Variants in ARHGEF4 observed in about 807,000 individuals in gnomAD.
ARHGEF4 encodes the protein Rho guanine nucleotide exchange factor 4.
ARHGEF4 carries 119 observed loss-of-function variants against 162.0 expected under a neutral mutation model. The observed-to-expected ratio is 0.73, with a 90% CI of 0.63 to 0.86. The LOEUF is 0.86. Among genes scored for constraint, ARHGEF4 ranks in the 40% least tolerant of loss-of-function variants. The pLI is 0.00. For synonymous variants in ARHGEF4, 1,014 were observed against 979.9 expected, an observed-to-expected ratio of 1.03 and a Z score of -0.65; for missense variants, 2,488 against 2,456.0, an observed-to-expected ratio of 1.01 and a Z score of -0.28.
At chr2:130,960,422 G>A (rs952002996) in intron 4 of ARHGEF4, among the ~76,000 whole-genome samples, 6 of 152,126 alleles carry the variant, frequency 3.9e-5, no homozygotes, top group African/African-American at 1.4e-4. Context: ...TGCTGTACAG[G>A]TTTGCAGCCT....
Position 131,044,620 on chromosome 2 carries a change from G to A in ARHGEF4, c.5401+78G>A, listed in dbSNP as rs971562435. 3.3e-6 allele frequency: 5 copies of A among 1,500,172 alleles called. No individual in the cohort carries two copies. In the Admixed American group the frequency reaches 1.1e-4, roughly 32 times the overall value. 92.9% of individuals were successfully genotyped at this position (1,500,172 alleles called of 1,614,324 possible). On this transcript the variant is annotated intron_variant, in intron 12 of 13. Coordinates refer to ENST00000409359, the MANE Select transcript of ARHGEF4 (RefSeq NM_001367493.1). ...CGCCTGCCTGGCCGCCTGCCGGTCA[G>A]GAGAGCGCCGCTCAGCCCTCTCAGG...
intron 4 of ARHGEF4, among the ~76,000 whole-genome samples, chr2:130,961,338 A>AG (rs1684611532): frequency 3.3e-5 from 5 of 152,192 alleles, no homozygotes; most frequent in Admixed American, 2.6e-4. Context: ...AGCCTCACTG[A>AG]GGGGGGACAT....
intron 1 of ARHGEF4, among the ~76,000 whole-genome samples, chr2:130,840,369 G>A (rs1397535519): frequency 6.6e-6 from 1 of 152,164 alleles, no homozygotes; most frequent in Non-Finnish European, 1.5e-5. Flanking sequence ...TCTGTCCACC[G>A]CATTTTCAGG....
intron 3 of ARHGEF4, among the ~76,000 whole-genome samples, chr2:130,940,849 G>GA (rs70994723): frequency 4.2e-4 from 55 of 131,898 alleles, no homozygotes; most frequent in African/African-American, 1.4e-3. Context: ...AAAAAAAAAA[G>GA]AAAAAAAAAA....
chr2:130,939,908 C>G (rs142867894), intron 3 of ARHGEF4, among the ~76,000 whole-genome samples: 9 of 151,996 alleles, frequency 5.9e-5, no homozygotes, highest in Non-Finnish European at 1.5e-5. Context: ...TATGGAAATG[C>G]GATTGATTTT....
In ARHGEF4 at chr2:130,949,718, C is replaced by T. The variant is rs539436945; in HGVS notation, c.3985+3083C>T. On this transcript the variant is annotated intron_variant, in intron 4 of 13. Transcript: ENST00000409359. ...TGCAGTGCAGTGGTGCGATCGATCT[C>T]GGCTCACTGCAGCCTCCACTTCCTG... Among the ~76,000 whole-genome samples, 21 of 152,266 alleles carry T rather than the reference C, an allele frequency of 1.4e-4. No homozygotes were observed. The South Asian group carries it at 2.7e-3, about 20-fold the overall frequency.
At chr2:130,992,571 C>A (rs184774382) in intron 4 of ARHGEF4, among the ~76,000 whole-genome samples, 1 of 151,998 alleles carries the variant, frequency 6.6e-6, no homozygotes, top group South Asian at 2.1e-4. Flanking sequence ...GAAGAAACTC[C>A]GAACCTATCC....
intron 1 of ARHGEF4, among the ~76,000 whole-genome samples, chr2:130,911,924 G>C (rs1681214170): frequency 6.6e-6 from 1 of 152,216 alleles, no homozygotes; most frequent in East Asian, 1.9e-4. Context: ...CTCTGTGTCT[G>C]CTCATGTAAG....
At chr2:130,840,101 A>C (rs1446345323) in intron 1 of ARHGEF4, among the ~76,000 whole-genome samples, 6 of 152,132 alleles carry the variant, frequency 3.9e-5, no homozygotes, top group Admixed American at 3.9e-4. Context: ...AGCAGGAAGC[A>C]CACACATAGG....
intron 4 of ARHGEF4, chr2:131,011,878 C>T (rs1289440481): frequency 1.3e-5 from 9 of 704,198 alleles, no homozygotes; most frequent in East Asian, 2.7e-5. Context: ...GTGGGGGCGG[C>T]GGAGGGGCAG....
At chr2:131,011,938 G>T (rs1269406973) in intron 4 of ARHGEF4, 3 of 701,394 alleles carry the variant, frequency 4.3e-6, no homozygotes, top group South Asian at 1.5e-5. Flanking sequence ...AAAATGGTTG[G>T]ATTCTGGATA....
chr2:130,867,242 ATT>A (rs925137515), intron 1 of ARHGEF4, among the ~76,000 whole-genome samples: 29 of 142,460 alleles, frequency 2.0e-4, no homozygotes, highest in African/African-American at 7.5e-4. Context: ...TATTATTATT[ATT>A]TTTTTTTTTT....
intron 3 of ARHGEF4, among the ~76,000 whole-genome samples, chr2:130,941,651 T>A (rs1683305241): frequency 6.6e-6 from 1 of 152,152 alleles, no homozygotes; most frequent in Non-Finnish European, 1.5e-5. Flanking sequence ...TGCAATAAAG[T>A]AAGCCAGAGA....
In ARHGEF4 at chr2:131,044,355, G is replaced by T. The variant is rs1000598248; in HGVS notation, c.5214G>T (p.Leu1738=). 2 of 1,605,764 alleles carry T rather than the reference G, an allele frequency of 1.2e-6. No individual in the cohort carries two copies. The highest frequency in any genetic ancestry group is 2.7e-5 in the African/African-American group (2 of 74,834). ...AGGGCCGGCTGGACATGGACGGCCT[G>T]GAGGTGGTGGACCTGGAGGACGGGA... ...YYKGRLDMDG[L]EVVDLEDGKD... The change falls in exon 12 of 14, where the codon CTG becomes CTT. Residue 1738 remains leucine, a synonymous_variant. Coordinates refer to ENST00000409359, the MANE Select transcript of ARHGEF4 (RefSeq NM_001367493.1).
At chr2:131,005,720 G>A (rs1341701094) in intron 4 of ARHGEF4, among the ~76,000 whole-genome samples, 1 of 152,124 alleles carries the variant, frequency 6.6e-6, no homozygotes, top group South Asian at 2.1e-4. Flanking sequence ...CGCCCCAGGG[G>A]CCAGGCTGTG....
intron 1 of ARHGEF4, among the ~76,000 whole-genome samples, chr2:130,879,427 A>G (rs1027508588): frequency 3.3e-4 from 51 of 152,284 alleles, no homozygotes; most frequent in Non-Finnish European, 4.6e-4. Flanking sequence ...ATTACCTCTC[A>G]TAACTTGCTT....
At chr2:130,975,421 T>C (rs78665825) in intron 4 of ARHGEF4, among the ~76,000 whole-genome samples, 4,936 of 152,098 alleles carry the variant, frequency 0.032, 270 homozygotes, top group African/African-American at 0.11. Context: ...TCTGCTGGGC[T>C]CTAACCTGCT....
intron 3 of ARHGEF4, among the ~76,000 whole-genome samples, chr2:130,941,883 G>A (rs1683324973): frequency 6.6e-6 from 1 of 152,060 alleles, no homozygotes; most frequent in Non-Finnish European, 1.5e-5. Flanking sequence ...TTGTTCAAGA[G>A]TCAACTGTAG....
At chr2:130,946,762 A>C in intron 4 of ARHGEF4, 127 bp downstream of exon 4, 2 of 1,363,616 alleles carry the variant, frequency 1.5e-6, no homozygotes, top group East Asian at 2.4e-5. Flanking sequence ...AGAGATAAAC[A>C]ATTGTCCTCT....
Sources: gnomAD v4.1 joint callset for allele counts (sites outside exome capture counted in the v4.1 genomes callset) on GRCh38, gnomAD v4.1.1 for gene constraint, MANE v1.5 for transcripts, NCBI Gene and HGNC (gene_info 2026-07-23, HGNC 2026-07-21) for gene names.